Variants in SYNDIG1 observed in about 807,000 individuals in gnomAD.
SYNDIG1 encodes synapse differentiation inducing 1.
In SYNDIG1, 9 loss-of-function variants were observed where a neutral mutation model predicts 19.4. That is an observed-to-expected ratio of 0.46 (90% CI 0.28 to 0.81). SYNDIG1 has a LOEUF of 0.81. Among genes scored for constraint, SYNDIG1 ranks in the 30% least tolerant of loss-of-function variants. The pLI is 0.12. For synonymous variants in SYNDIG1, 141 were observed against 145.9 expected, an observed-to-expected ratio of 0.97 and a Z score of 0.24; for missense variants, 311 against 343.3, an observed-to-expected ratio of 0.91 and a Z score of 0.74.
intron 3 of SYNDIG1, among the ~76,000 whole-genome samples, chr20:24,620,877 A>G (rs2059027745): frequency 6.6e-6 from 1 of 152,228 alleles, no homozygotes; most frequent in Non-Finnish European, 1.5e-5. Context: ...TTGACCTAAA[A>G]TGCCTTCTGT....
intron 1 of SYNDIG1, among the ~76,000 whole-genome samples, chr20:24,530,024 C>G (rs114832853): frequency 0.2 from 1,035 of 5,198 alleles, 25 homozygotes; most frequent in South Asian, 0.26. Flanking sequence ...TGGTGATGGT[C>G]GTGGTGATGG....
In SYNDIG1 at chr20:24,578,160, G is replaced by A. The variant is rs920104640; in HGVS notation, c.481-6696G>A. Among the ~76,000 whole-genome samples the A allele has an allele frequency of 4.6e-5, 7 of 152,314 alleles. No individual in the cohort carries two copies. The South Asian group carries it at 6.2e-4, about 14-fold the overall frequency. On this transcript the variant is annotated intron_variant, in intron 2 of 3. Transcript: ENST00000376862. ...TCCTGGTGCTTAGAGGAAGGGAGTC[G>A]GGATGGGCATGATGGCTCACGCCTG...
At chr20:24,581,564 C>T (rs914907968) in intron 2 of SYNDIG1, among the ~76,000 whole-genome samples, 2 of 152,002 alleles carry the variant, frequency 1.3e-5, no homozygotes, top group African/African-American at 2.4e-5. Flanking sequence ...CTCAGCAGTT[C>T]CAAAACCAGC....
intron 3 of SYNDIG1, among the ~76,000 whole-genome samples, chr20:24,659,963 T>A (rs1296501823): frequency 6.6e-6 from 1 of 152,248 alleles, no homozygotes; most frequent in Non-Finnish European, 1.5e-5. Context: ...TTACCGTTCC[T>A]TCCCAGAAGT....
At chr20:24,510,407 TA>T (rs76707708) in intron 1 of SYNDIG1, among the ~76,000 whole-genome samples, 610 of 137,610 alleles carry the variant, frequency 4.4e-3, no homozygotes, top group South Asian at 8.0e-3. Context: ...CATCTGTACT[TA>T]AAAAAAAAAA....
At chr20:24,626,379 G>C (rs942136120) in intron 3 of SYNDIG1, among the ~76,000 whole-genome samples, 1 of 151,088 alleles carries the variant, frequency 6.6e-6, no homozygotes, top group African/African-American at 2.4e-5. Context: ...GGGCAGAGAC[G>C]CTCCTCACCT....
At chr20:24,541,358 T>C (rs1264076926) in intron 1 of SYNDIG1, among the ~76,000 whole-genome samples, 1 of 152,246 alleles carries the variant, frequency 6.6e-6, no homozygotes, top group Non-Finnish European at 1.5e-5. Context: ...CCCACTCACC[T>C]GATATTCACC....
At chr20:24,619,324 T>C (rs1229199802) in intron 3 of SYNDIG1, among the ~76,000 whole-genome samples, 3 of 152,214 alleles carry the variant, frequency 2.0e-5, no homozygotes, top group Non-Finnish European at 2.9e-5. Flanking sequence ...CACTGCAGCT[T>C]TTCTGAAGAG....
intron 1 of SYNDIG1, among the ~76,000 whole-genome samples, chr20:24,503,755 A>T (rs969921500): frequency 2.0e-5 from 3 of 151,974 alleles, no homozygotes; most frequent in Admixed American, 1.3e-4. Flanking sequence ...GAACTCACTC[A>T]TTGAGCTCAT....
At chr20:24,508,464 C>T (rs1055758199) in intron 1 of SYNDIG1, among the ~76,000 whole-genome samples, 10 of 150,814 alleles carry the variant, frequency 6.6e-5, no homozygotes, top group African/African-American at 1.9e-4. Context: ...GTGATCTGCC[C>T]GCCTCAGCCT....
chr20:24,593,696 A>G (rs1388979596), intron 3 of SYNDIG1, among the ~76,000 whole-genome samples: 12 of 152,154 alleles, frequency 7.9e-5, no homozygotes, highest in Non-Finnish European at 8.8e-5. Flanking sequence ...CCTTGCTAGC[A>G]TCTGTTATTT....
chr20:24,507,670 C>G (rs1252549867), intron 1 of SYNDIG1, among the ~76,000 whole-genome samples: 1 of 152,210 alleles, frequency 6.6e-6, no homozygotes, highest in Non-Finnish European at 1.5e-5. Context: ...GTGGGGGAGC[C>G]TTCCCTGCTA....
At chr20:24,648,178 T>C (rs1568714607) in intron 3 of SYNDIG1, among the ~76,000 whole-genome samples, 1 of 152,184 alleles carries the variant, frequency 6.6e-6, no homozygotes, top group Non-Finnish European at 1.5e-5. Context: ...GTGGTACACA[T>C]ACATGCAGTC....
intron 1 of SYNDIG1, among the ~76,000 whole-genome samples, chr20:24,492,092 C>T (rs1481972996): frequency 6.6e-6 from 1 of 152,216 alleles, no homozygotes; most frequent in Admixed American, 6.5e-5. Flanking sequence ...CGGCCGGCTC[C>T]GTGTGAACAG....
chr20:24,636,412 G>T (rs537190171), intron 3 of SYNDIG1, among the ~76,000 whole-genome samples: 3 of 152,276 alleles, frequency 2.0e-5, no homozygotes, highest in African/African-American at 7.2e-5. Flanking sequence ...GCACCTGAGT[G>T]GGTCTTCTAG....
chr20:24,527,163 T>C (rs1355080309), intron 1 of SYNDIG1, among the ~76,000 whole-genome samples: 4 of 152,210 alleles, frequency 2.6e-5, no homozygotes, highest in South Asian at 2.1e-4. Context: ...CCTGCCAGGC[T>C]CTTTGCTGCT....
At chr20:24,618,774 T>C (rs1024489413) in intron 3 of SYNDIG1, among the ~76,000 whole-genome samples, 4 of 152,222 alleles carry the variant, frequency 2.6e-5, no homozygotes. Context: ...CTCTTATTTT[T>C]TTCTCTCTTA....
At chr20:24,485,492 G>A (rs540440055) in intron 1 of SYNDIG1, among the ~76,000 whole-genome samples, 114 of 152,290 alleles carry the variant, frequency 7.5e-4, no homozygotes, top group Non-Finnish European at 1.3e-3. Flanking sequence ...GGAAAAATTT[G>A]GAAGTTTCAG....
intron 3 of SYNDIG1, among the ~76,000 whole-genome samples, chr20:24,616,186 C>G (rs1054995311): frequency 5.3e-5 from 8 of 152,012 alleles, no homozygotes; most frequent in Non-Finnish European, 1.2e-4. Context: ...TTAATGTTTC[C>G]AAAGCTCTAT....
Sources: gnomAD v4.1 joint callset for allele counts (sites outside exome capture counted in the v4.1 genomes callset) on GRCh38, gnomAD v4.1.1 for gene constraint, MANE v1.5 for transcripts, NCBI Gene and HGNC (gene_info 2026-07-23, HGNC 2026-07-21) for gene names.